NDUFAF6: variants seen among roughly 807,000 people sequenced by gnomAD.
NDUFAF6 encodes NADH dehydrogenase (ubiquinone) complex I, assembly factor 6.
In NDUFAF6, 45 loss-of-function variants were observed where a neutral mutation model predicts 40.8. The observed-to-expected ratio is 1.10, with a 90% CI of 0.87 to 1.42. The LOEUF (loss-of-function observed/expected upper bound fraction) is 1.42, where lower values mean the gene tolerates loss of function less well. NDUFAF6 is among the 40% of genes most tolerant of loss of function. The probability of loss-of-function intolerance (pLI) is 0.00; values close to 1 mark genes in which losing one functional copy is unlikely to be tolerated. For missense variants in NDUFAF6, 435 were observed against 418.5 expected (o/e 1.04, Z -0.34); for synonymous variants, 185 against 155.9 (o/e 1.19, Z -1.39).
intron 9 of NDUFAF6, among the ~76,000 whole-genome samples, chr8:95,064,880 G>T (rs1832665406): frequency 6.6e-6 from 1 of 152,106 alleles, no homozygotes; most frequent in Admixed American, 6.6e-5. Flanking sequence ...CAGTCTACGA[G>T]CTTAGATCAT....
intron 1 of NDUFAF6, among the ~76,000 whole-genome samples, chr8:94,925,131 G>T (rs951651138): frequency 5.9e-5 from 9 of 152,114 alleles, no homozygotes; most frequent in Admixed American, 4.6e-4. Flanking sequence ...TCTTACCCCT[G>T]GCACCCAATC....
intron 2 of NDUFAF6, among the ~76,000 whole-genome samples, chr8:94,985,475 A>ATATATG: frequency 7.2e-4 from 1 of 1,386 alleles, no homozygotes; most frequent in Admixed American, 7.0e-3. Context: ...AATTATATAT[A>ATATATG]TATATATATA....
chr8:94,925,650 C>T (rs1819825728), intron 1 of NDUFAF6, among the ~76,000 whole-genome samples: 1 of 151,634 alleles, frequency 6.6e-6, no homozygotes, highest in Non-Finnish European at 1.5e-5. Context: ...AGGGATTCTC[C>T]TGCCTCAGCC....
At chr8:94,966,944 A>G (rs1466538845) in intron 1 of NDUFAF6, among the ~76,000 whole-genome samples, 3 of 152,168 alleles carry the variant, frequency 2.0e-5, no homozygotes, top group African/African-American at 7.2e-5. Flanking sequence ...AACTATTTTC[A>G]AGGGAGGCTG....
intron 1 of NDUFAF6, among the ~76,000 whole-genome samples, chr8:95,028,921 G>C (rs1365312698): frequency 1.3e-5 from 2 of 152,056 alleles, no homozygotes; most frequent in Non-Finnish European, 2.9e-5. Context: ...AGAAACTTTT[G>C]GGGAACCATT....
At chr8:94,997,248 G>C (rs138272080) in intron 2 of NDUFAF6, among the ~76,000 whole-genome samples, 1,498 of 144,756 alleles carry the variant, frequency 0.01, 28 homozygotes, top group African/African-American at 0.037. Context: ...GGGCCAACCT[G>C]ACCCTGCCAG....
At chr8:95,015,582 G>T (rs1375716993) in intron 2 of NDUFAF6, among the ~76,000 whole-genome samples, 1 of 152,146 alleles carries the variant, frequency 6.6e-6, no homozygotes, top group African/African-American at 2.4e-5. Context: ...ATTCATAAAT[G>T]CAATGGTTCT....
intron 1 of NDUFAF6, among the ~76,000 whole-genome samples, chr8:94,963,006 G>A (rs1052206274): frequency 4.0e-5 from 6 of 151,626 alleles, no homozygotes; most frequent in African/African-American, 1.5e-4. Context: ...GGCCAGGCTG[G>A]TCTGGAACTC....
Position 95,058,463 on chromosome 8 carries a change from A to G in NDUFAF6, c.*526A>G. 1.6e-6 allele frequency: 2 copies of G among 1,229,996 alleles called. No homozygotes were observed. Among genetic ancestry groups the G allele is most frequent in the Non-Finnish European group, 2.0e-6 (2 of 987,208 alleles). The allele number at this position is 1,229,996 out of a possible 1,614,324, so 76.2% of individuals were successfully genotyped here. A position where few individuals can be genotyped will look rare whatever the true frequency, so the allele number is the denominator to read the frequency against. ...TTATCCTTAACGTTTAATTTTTACA[A>G]TCTTGTGTAAAAATTTATCCATGAT... On this transcript the variant is annotated 3_prime_UTR_variant, in exon 9 of 9. Transcript: ENST00000396124.
intron 1 of NDUFAF6, among the ~76,000 whole-genome samples, chr8:94,942,279 A>G (rs1821615899): frequency 6.6e-6 from 1 of 151,748 alleles, no homozygotes; most frequent in Non-Finnish European, 1.5e-5. Context: ...TGACCTCATG[A>G]TCCGCCCACC....
chr8:95,067,901 G>A (rs76850292), intron 9 of NDUFAF6: 4,363 of 152,042 alleles, frequency 0.029, 84 homozygotes, highest in Middle Eastern at 0.041. Context: ...TGGCTTTTGC[G>A]ATACCACACC....
chr8:95,059,606 T>C (rs1587208980), downstream of NDUFAF6, among the ~76,000 whole-genome samples: 1 of 152,204 alleles, frequency 6.6e-6, no homozygotes, highest in Non-Finnish European at 1.5e-5. Flanking sequence ...CCCAACACTT[T>C]GGGAGGCTGA....
chr8:94,956,751 C>CTGAGATGAA (rs1563746933), upstream of NDUFAF6, among the ~76,000 whole-genome samples: 1 of 151,976 alleles, frequency 6.6e-6, no homozygotes, highest in Non-Finnish European at 1.5e-5. Flanking sequence ...AAATGAATGA[C>CTGAGATGAA]TGAGATGAAG....
chr8:95,110,538 C>T (rs1809971200), intron 4 of NDUFAF6, among the ~76,000 whole-genome samples: 1 of 152,156 alleles, frequency 6.6e-6, no homozygotes, highest in South Asian at 2.1e-4. Flanking sequence ...CCCAATAAGG[C>T]AGATACTATT....
At chr8:94,932,491 G>C (rs565539483) in intron 1 of NDUFAF6, among the ~76,000 whole-genome samples, 1 of 152,288 alleles carries the variant, frequency 6.6e-6, no homozygotes, top group African/African-American at 2.4e-5. Context: ...CCTTGATTTA[G>C]CAAGACTTCC....
chr8:94,962,849 G>A (rs1009455183), intron 1 of NDUFAF6, among the ~76,000 whole-genome samples: 43 of 150,530 alleles, frequency 2.9e-4, no homozygotes, highest in African/African-American at 1.0e-3. Flanking sequence ...GGAATGCAGT[G>A]ACGTGATCTC....
chr8:94,924,669 T>A (rs991157028), intron 1 of NDUFAF6, among the ~76,000 whole-genome samples: 1 of 152,200 alleles, frequency 6.6e-6, no homozygotes, highest in Admixed American at 6.5e-5. Flanking sequence ...CCCTGGACAC[T>A]CTGTAAGTGG....
chr8:95,053,641 T>G (rs1423230003), intron 8 of NDUFAF6, among the ~76,000 whole-genome samples: 1 of 152,072 alleles, frequency 6.6e-6, no homozygotes, highest in South Asian at 2.1e-4. Flanking sequence ...CTTTTTTTTT[T>G]TGGAGGCAGA....
chr8:95,103,286 G>A (rs73262486), exon 3 of NDUFAF6: 3,823 of 152,302 alleles, frequency 0.025, 149 homozygotes, highest in African/African-American at 0.084. Context: ...GGGAGAAATG[G>A]CTGATAGGCA....
Sources: allele counts gnomAD v4.1 joint callset (sites outside exome capture counted in the v4.1 genomes callset), GRCh38; gene constraint gnomAD v4.1.1; transcripts MANE v1.5; gene names NCBI Gene and HGNC (gene_info 2026-07-23, HGNC 2026-07-21).